Variants in NREP observed in about 807,000 individuals in gnomAD.
NREP encodes the protein neuronal regeneration-related protein.
Under a neutral mutation model 8.6 loss-of-function variants are expected in NREP, and 5 were observed. That is an observed-to-expected ratio of 0.58 (90% CI 0.30 to 1.22). The LOEUF is 1.22. Among genes scored for constraint, NREP ranks in the 50% most tolerant of loss-of-function variants. The pLI is 0.07. For missense variants in NREP, 86 were observed against 82.5 expected, an observed-to-expected ratio of 1.04 and a Z score of -0.17; for synonymous variants, 27 against 28.0, an observed-to-expected ratio of 0.96 and a Z score of 0.11.
At chr5:111,754,950 G>A (rs896113087) in intron 2 of NREP, among the ~76,000 whole-genome samples, 1 of 152,164 alleles carries the variant, frequency 6.6e-6, no homozygotes, top group Non-Finnish European at 1.5e-5. Context: ...ACAAAGAGGT[G>A]TTTTAAAGAG....
chr5:111,916,842 C>G (rs978065384), intron 2 of NREP, among the ~76,000 whole-genome samples: 2 of 152,028 alleles, frequency 1.3e-5, no homozygotes, highest in Non-Finnish European at 2.9e-5. Context: ...ATGCAGCAAC[C>G]TTAATTCTTG....
chr5:111,951,636 T>C (rs1756162963), intron 2 of NREP, among the ~76,000 whole-genome samples: 1 of 152,112 alleles, frequency 6.6e-6, no homozygotes, highest in African/African-American at 2.4e-5. Flanking sequence ...GAAGGCTCTA[T>C]GAGTATTCAA....
At chr5:111,923,626 C>T (rs1205326116) in intron 2 of NREP, among the ~76,000 whole-genome samples, 4 of 152,212 alleles carry the variant, frequency 2.6e-5, no homozygotes, top group African/African-American at 9.6e-5. Context: ...TTGGTGGCTT[C>T]TGGCACCAGT....
Position 111,757,153 on chromosome 5 carries a change from C to G in NREP, c.-76G>C. On this transcript the variant is annotated 5_prime_UTR_variant, in exon 1 of 4. Coordinates refer to ENST00000257435, the MANE Select transcript of NREP (RefSeq NM_004772.4). Reference sequence around the variant, plus strand: ...ATACTTACAGACAAAAGCCCCGCTCCCTGTTCACTCTCTCTCCTCTCTACA... The same window carrying G: ...ATACTTACAGACAAAAGCCCCGCTCGCTGTTCACTCTCTCTCCTCTCTACA... The G allele has an allele frequency of 1.0e-6, 1 of 979,264 alleles. No homozygotes were observed. Among genetic ancestry groups the G allele is most frequent in the South Asian group, 4.7e-5 (1 of 21,110 alleles). The allele number at this position is 979,264 out of a possible 1,614,324, so 60.7% of individuals were successfully genotyped here.
chr5:111,774,252 GGAAGGAGGGAGA>G (rs151042740), intron 2 of NREP, among the ~76,000 whole-genome samples: 24 of 118,532 alleles, frequency 2.0e-4, no homozygotes, highest in South Asian at 4.7e-4. Flanking sequence ...AGGGAGGGAG[GGAAGGAGGGAGA>G]GAAGGAGGGA....
intron 2 of NREP, among the ~76,000 whole-genome samples, chr5:111,863,615 T>G (rs1343342585): frequency 6.6e-6 from 1 of 151,988 alleles, no homozygotes; most frequent in African/African-American, 2.4e-5. Context: ...GTCTGAGAAA[T>G]GGCGGCCAGA....
chr5:111,901,767 A>G (rs1297335402), intron 2 of NREP, among the ~76,000 whole-genome samples: 1 of 152,146 alleles, frequency 6.6e-6, no homozygotes, highest in Non-Finnish European at 1.5e-5. Context: ...AAACCTCAAA[A>G]TTGAAATTAT....
intron 2 of NREP, among the ~76,000 whole-genome samples, chr5:111,950,201 C>A (rs2112632810): frequency 6.6e-6 from 1 of 151,924 alleles, no homozygotes; most frequent in South Asian, 2.1e-4. Context: ...GATATATAGA[C>A]CAATGGAACA....
chr5:111,964,030 T>G (rs4957627), intron 2 of NREP, among the ~76,000 whole-genome samples: 75,203 of 152,054 alleles, frequency 0.49, 19,983 homozygotes, highest in Non-Finnish European at 0.61. Flanking sequence ...AAATAAAGAA[T>G]GAGAATATTG....
At chr5:111,893,855 G>A (rs1426448923) in intron 2 of NREP, among the ~76,000 whole-genome samples, 1 of 151,660 alleles carries the variant, frequency 6.6e-6, no homozygotes, top group Non-Finnish European at 1.5e-5. Context: ...TTTTTACAGG[G>A]CGGGCTAAAA....
chr5:111,963,260 C>T (rs1049415308), intron 2 of NREP, among the ~76,000 whole-genome samples: 17 of 152,230 alleles, frequency 1.1e-4, no homozygotes, highest in African/African-American at 4.1e-4. Context: ...CGCTTGCTCA[C>T]GTACTCCCTC....
At chr5:111,859,383 A>G (rs1221007840) in intron 2 of NREP, among the ~76,000 whole-genome samples, 8 of 152,196 alleles carry the variant, frequency 5.3e-5, no homozygotes, top group Admixed American at 5.2e-4. Flanking sequence ...AAAAGTTTAG[A>G]AAGGCAAATT....
chr5:111,755,679 G>T, intron 2 of NREP, 91 bp downstream of exon 2: 1 of 1,396,188 alleles, frequency 7.2e-7, no homozygotes, highest in South Asian at 1.2e-5. Context: ...GAACAATGAA[G>T]GGTTGAGGCG....
rs1753328990 is a variant in NREP at position 111,852,279 on chromosome 5, T to TG, written c.136-116773_136-116772insC. Among the ~76,000 whole-genome samples the TG allele has an allele frequency of 5.2e-5, 6 of 114,902 alleles. No individual in the cohort carries two copies. The South Asian group carries it at 1.2e-3, about 23-fold the overall frequency. 75.4% of individuals were successfully genotyped at this position (114,902 alleles called of 152,430 possible). On this transcript the variant is annotated intron_variant, in intron 2 of 3. Transcript: ENST00000395634. ...TTTTTCTAGCTTCACATGTATAGTC[T>TG]ATTTTTTTGTATCTCTTGCTGTTGC...
chr5:111,759,517 G>C (rs546500595), upstream of NREP, among the ~76,000 whole-genome samples: 1 of 151,238 alleles, frequency 6.6e-6, no homozygotes, highest in Non-Finnish European at 1.5e-5. Flanking sequence ...GCCTCCCAAA[G>C]TGCTGGGATT....
chr5:111,867,418 C>T (rs951188741), intron 2 of NREP, among the ~76,000 whole-genome samples: 1 of 152,112 alleles, frequency 6.6e-6, no homozygotes, highest in Non-Finnish European at 1.5e-5. Flanking sequence ...CACGTGCTCA[C>T]TTGCTCTCTC....
intron 2 of NREP, among the ~76,000 whole-genome samples, chr5:111,962,571 A>G (rs1444903533): frequency 6.6e-6 from 1 of 152,210 alleles, no homozygotes; most frequent in African/African-American, 2.4e-5. Context: ...CAGCAAAACC[A>G]TATCCCTGAG....
intron 2 of NREP, among the ~76,000 whole-genome samples, chr5:111,942,195 T>C (rs1011003339): frequency 6.6e-6 from 1 of 152,096 alleles, no homozygotes; most frequent in African/African-American, 2.4e-5. Context: ...TATTTGTTAA[T>C]AAAATTTCAA....
chr5:111,880,774 T>C (rs1353618380), intron 2 of NREP, among the ~76,000 whole-genome samples: 1 of 129,612 alleles, frequency 7.7e-6, no homozygotes, highest in African/African-American at 2.9e-5. Flanking sequence ...TCTTACTCTA[T>C]CACCCAGGCT....
Sources: allele counts gnomAD v4.1 joint callset (sites outside exome capture counted in the v4.1 genomes callset), GRCh38; gene constraint gnomAD v4.1.1; transcripts MANE v1.5; gene names NCBI Gene and HGNC (gene_info 2026-07-23, HGNC 2026-07-21).